ADAMTS6: variants seen among roughly 807,000 people sequenced by gnomAD.
The protein encoded by ADAMTS6 is A disintegrin and metalloproteinase with thrombospondin motifs 6.
In ADAMTS6, 23 loss-of-function variants were observed where a neutral mutation model predicts 144.3. That is an observed-to-expected ratio of 0.16 (90% CI 0.11 to 0.23). The LOEUF (loss-of-function observed/expected upper bound fraction) is 0.23, where lower values mean the gene tolerates loss of function less well. Ranked by LOEUF, ADAMTS6 falls within the 10% of genes least tolerant of loss-of-function variation. ADAMTS6 has a pLI of 1.00. For synonymous variants in ADAMTS6, 444 were observed against 457.5 expected, an observed-to-expected ratio of 0.97 and a Z score of 0.38; for missense variants, 999 against 1,379.6, an observed-to-expected ratio of 0.72 and a Z score of 4.37.
At chr5:65,396,683 A>G (rs1753365378) in intron 7 of ADAMTS6, among the ~76,000 whole-genome samples, 1 of 152,252 alleles carries the variant, frequency 6.6e-6, no homozygotes, top group Non-Finnish European at 1.5e-5. Context: ...ACGCTGTTTC[A>G]TGGCTAGGAC....
chr5:65,292,289 T>A (rs1296353474), intron 10 of ADAMTS6, among the ~76,000 whole-genome samples: 1 of 152,092 alleles, frequency 6.6e-6, no homozygotes, highest in East Asian at 1.9e-4. Context: ...TTTTTTACTT[T>A]CATTTCACAT....
In ADAMTS6 at chr5:65,170,715, G is replaced by A; in HGVS notation, c.3146C>T (p.Thr1049Ile). Reference protein sequence around the residue: ...QMRTVQCLSYTGQASSDCLET... With the variant: ...QMRTVQCLSYIGQASSDCLET... The stretch of plus-strand genomic sequence containing the variant: ...TAGACAGTCACTAGATGCCTGTCCG[G>A]TGTAGGAGAGACACTGCACAGTTCT... Residue 1049 changes from threonine to isoleucine, a missense_variant, in exon 24 of 25, where the codon ACC (threonine) becomes ATC (isoleucine). By Grantham distance (89) the Thr-to-Ile change is moderately conservative. Transcript: ENST00000381055. 8.7e-6 allele frequency: 14 copies of A among 1,614,162 alleles called. No homozygotes were observed. The highest frequency in any genetic ancestry group is 1.0e-5 in the Non-Finnish European group (12 of 1,180,028).
At chr5:65,408,934 A>C (rs1754811917) in intron 7 of ADAMTS6, among the ~76,000 whole-genome samples, 1 of 152,200 alleles carries the variant, frequency 6.6e-6, no homozygotes, top group Non-Finnish European at 1.5e-5. Flanking sequence ...AGAAATAAAG[A>C]TGTTCTTTGA....
At position 65,337,736 on chromosome 5, in the gene ADAMTS6, C is replaced by T. The variant is rs537402604; in HGVS notation, c.1074-3651G>A. ...CTTTTACCTAACTTTCTCATTTTTA[C>T]TTTGCATCATATTCACTCTACATCC... On this transcript the variant is annotated intron_variant, in intron 7 of 24. Transcript: ENST00000381055. 2.4e-4 allele frequency among the ~76,000 whole-genome samples: 37 copies of T among 152,204 alleles called. 1 individual carries two copies. The highest frequency in any genetic ancestry group is 8.7e-4 in the African/African-American group (36 of 41,558).
chr5:65,191,598 T>C (rs1012189338), intron 21 of ADAMTS6, among the ~76,000 whole-genome samples: 3 of 151,986 alleles, frequency 2.0e-5, no homozygotes, highest in Non-Finnish European at 2.9e-5. Flanking sequence ...CAAAGAGAAA[T>C]TCATTTATAT....
Position 65,477,903 on chromosome 5 carries a change from A to T in ADAMTS6, c.-280+3440T>A, listed in dbSNP as rs190430341. The stretch of plus-strand genomic sequence containing the variant: ...AGCACTTTGAGAGGCTGAGATGGGC[A>T]GATCACCTGAGGTCAGGAGTTTGAG... On this transcript the variant is annotated intron_variant, in intron 1 of 24. Transcript: ENST00000381055. 5.9e-5 allele frequency among the ~76,000 whole-genome samples: 9 copies of T among 152,120 alleles called. 1 individual carries two copies. In the East Asian group the frequency reaches 1.7e-3, roughly 29 times the overall value.
chr5:65,320,632 T>C (rs1745525935), intron 9 of ADAMTS6, among the ~76,000 whole-genome samples: 1 of 151,976 alleles, frequency 6.6e-6, no homozygotes, highest in Admixed American at 6.6e-5. Flanking sequence ...TGGGGGTCTG[T>C]TTTATAGGTT....
intron 7 of ADAMTS6, among the ~76,000 whole-genome samples, chr5:65,393,668 G>A (rs970040003): frequency 1.3e-5 from 2 of 152,182 alleles, no homozygotes; most frequent in African/African-American, 4.8e-5. Flanking sequence ...GAGTTTTAAT[G>A]CAAGTCAGTA....
intron 11 of ADAMTS6, among the ~76,000 whole-genome samples, chr5:65,285,975 A>G (rs1255245360): frequency 6.6e-6 from 1 of 152,332 alleles, no homozygotes; most frequent in East Asian, 1.9e-4. Context: ...GAGACTGAAG[A>G]GTGAAATTGA....
At chr5:65,460,073 T>G in intron 4 of ADAMTS6, 97 bp downstream of exon 4, 1 of 1,347,842 alleles carries the variant, frequency 7.4e-7, no homozygotes, top group Non-Finnish European at 9.9e-7. Flanking sequence ...GTCAAACTCC[T>G]ACTTCCTTTT....
At chr5:65,372,188 T>TCGAGACTAGGAAGACA in intron 7 of ADAMTS6, among the ~76,000 whole-genome samples, 1 of 125,680 alleles carries the variant, frequency 8.0e-6, no homozygotes, top group South Asian at 2.3e-4. Context: ...GTAAAGACCA[T>TCGAGACTAGGAAGACA]CTGCATCAAC....
chr5:65,400,141 T>C (rs190403359), intron 7 of ADAMTS6, among the ~76,000 whole-genome samples: 1 of 152,282 alleles, frequency 6.6e-6, no homozygotes, highest in Admixed American at 6.5e-5. Flanking sequence ...TGTTCCTCTA[T>C]AGGTAAGATT....
intron 9 of ADAMTS6, among the ~76,000 whole-genome samples, chr5:65,326,583 C>G (rs1316597340): frequency 1.8e-4 from 27 of 152,210 alleles, no homozygotes; most frequent in Admixed American, 1.8e-3. Context: ...TTCACACAGT[C>G]TAGTTACTCA....
chr5:65,472,897 C>A (rs1484124544), intron 2 of ADAMTS6, among the ~76,000 whole-genome samples: 2 of 152,012 alleles, frequency 1.3e-5, no homozygotes, highest in African/African-American at 4.8e-5. Context: ...TCATCGGCAC[C>A]AAAAAATTAT....
chr5:65,333,997 TAAAAAAAAAA>T (rs750637450), intron 8 of ADAMTS6, 35 bp downstream of exon 8: 3,186 of 841,868 alleles, frequency 3.8e-3, no homozygotes, highest in Middle Eastern at 4.1e-3. Context: ...CTACCTTTAT[TAAAAAAAAAA>T]AAAAAAAAAA....
At chr5:65,243,023 C>T (rs1374787936) in intron 14 of ADAMTS6, among the ~76,000 whole-genome samples, 3 of 152,068 alleles carry the variant, frequency 2.0e-5, no homozygotes, top group Non-Finnish European at 4.4e-5. Flanking sequence ...CTAAACTCAA[C>T]CTTTAAGTTC....
At chr5:65,398,311 G>A (rs1753525965) in intron 7 of ADAMTS6, among the ~76,000 whole-genome samples, 1 of 152,144 alleles carries the variant, frequency 6.6e-6, no homozygotes, top group African/African-American at 2.4e-5. Flanking sequence ...TTGATCTGTT[G>A]TTAGGCAAAT....
intron 7 of ADAMTS6, among the ~76,000 whole-genome samples, chr5:65,409,215 GT>G (rs200098220): frequency 0.036 from 5,468 of 152,126 alleles, 301 homozygotes; most frequent in African/African-American, 0.12. Context: ...TCAGGAGCTG[GT>G]TTTTTTAAAA....
intron 12 of ADAMTS6, among the ~76,000 whole-genome samples, chr5:65,267,172 CAGAG>C (rs1761687493): frequency 6.6e-6 from 1 of 151,962 alleles, no homozygotes; most frequent in South Asian, 2.1e-4. Context: ...GCTCTATTTA[CAGAG>C]AGATAGAATT....
Sources: allele counts gnomAD v4.1 joint callset (sites outside exome capture counted in the v4.1 genomes callset), GRCh38; gene constraint gnomAD v4.1.1; transcripts MANE v1.5; gene names NCBI Gene and HGNC (gene_info 2026-07-23, HGNC 2026-07-21).